ANLN: variants seen among roughly 807,000 people sequenced by gnomAD.
The protein encoded by ANLN is anillin.
A neutral mutation model predicts 135.1 loss-of-function variants in ANLN; 59 were observed. The ratio of observed to expected loss-of-function variants is 0.44; its 90% CI spans 0.35 to 0.54. The LOEUF is 0.54. ANLN is among the 20% of genes least tolerant of loss of function. The pLI is 0.00. For missense variants in ANLN, 1,182 were observed against 1,340.0 expected (o/e 0.88, Z 1.84); for synonymous variants, 406 against 456.4 (o/e 0.89, Z 1.41).
At chr7:36,403,335 A>G (rs1372517108) in intron 3 of ANLN, among the ~76,000 whole-genome samples, 3 of 152,148 alleles carry the variant, frequency 2.0e-5, no homozygotes, top group African/African-American at 7.2e-5. Flanking sequence ...TGTTCGGGGC[A>G]ATTTCAACTT....
intron 5 of ANLN, 112 bp from the exon 6 acceptor site, chr7:36,410,402 C>A (rs1787361638): frequency 1.1e-6 from 1 of 926,504 alleles, no homozygotes; most frequent in Admixed American, 3.3e-5. Context: ...ATGAATATTC[C>A]TGATAGAATC....
intron 3 of ANLN, chr7:36,403,480 T>C (rs1479197333): frequency 1.3e-5 from 2 of 152,120 alleles, no homozygotes; most frequent in Admixed American, 1.3e-4. Context: ...ATTTTAGAGA[T>C]GTCAAGAAAT....
intron 21 of ANLN, among the ~76,000 whole-genome samples, chr7:36,441,423 C>T (rs907929667): frequency 3.9e-5 from 6 of 152,138 alleles, no homozygotes; most frequent in African/African-American, 1.4e-4. Flanking sequence ...TGCCTCTACC[C>T]CCTATAAAAA....
chr7:36,425,867 G>T (rs1398542971), intron 18 of ANLN, 127 bp downstream of exon 18: 1 of 1,127,118 alleles, frequency 8.9e-7, no homozygotes, highest in Non-Finnish European at 1.3e-6. Flanking sequence ...CTAATGGGGG[G>T]ATATCCCTGT....
rs372403654 is a variant in ANLN, at chr7:36,408,940, G to A, written c.1096+984G>A. Among the ~76,000 whole-genome samples, 4 of 152,294 alleles carry A rather than the reference G, an allele frequency of 2.6e-5. No individual in the cohort carries two copies. The East Asian group carries it at 7.7e-4, about 29-fold the overall frequency. On this transcript the variant is annotated intron_variant, in intron 5 of 23. Coordinates refer to ENST00000265748, the MANE Select transcript of ANLN (RefSeq NM_018685.5). The stretch of plus-strand genomic sequence containing the variant: ...GAACTGTATTCATTTTCATTGGAAA[G>A]ACTTTTAATTCTAAGGTTTAACTTT...
chr7:36,448,723 T>C (rs1789117816), intron 22 of ANLN, among the ~76,000 whole-genome samples: 1 of 152,186 alleles, frequency 6.6e-6, no homozygotes, highest in Non-Finnish European at 1.5e-5. Flanking sequence ...AATACCATGA[T>C]TTATTTAAAT....
At position 36,417,079 on chromosome 7, in the gene ANLN, G is replaced by A. The variant is rs780924212; in HGVS notation, c.1523-1G>A. 6.5e-7 allele frequency: 1 copy of A among 1,549,874 alleles called. No homozygotes were observed. The highest frequency in any genetic ancestry group is 8.8e-7 in the Non-Finnish European group (1 of 1,133,634). On this transcript the variant is annotated splice_acceptor_variant, in intron 8 of 23. Transcript: ENST00000265748. LOFTEE classifies it high-confidence loss of function. ...ATATGGTCTTTCTTAAACATTTTTA[G>A]GTTTCACTGAATGCGAAATGACGAA... is the stretch of plus-strand genomic sequence containing the variant.
intron 22 of ANLN, among the ~76,000 whole-genome samples, chr7:36,446,306 G>A (rs1788996523): frequency 6.6e-6 from 1 of 151,900 alleles, no homozygotes; most frequent in African/African-American, 2.4e-5. Flanking sequence ...CCCTAGAATT[G>A]ATTTTTTTTT....
intron 1 of ANLN, 56 bp downstream of exon 1, chr7:36,390,100 A>G (rs768105150): frequency 1.9e-6 from 3 of 1,611,196 alleles, no homozygotes; most frequent in Non-Finnish European, 2.5e-6. Flanking sequence ...GCCCCCACCC[A>G]CCTTCCTCTG....
At position 36,389,894 on chromosome 7, in the gene ANLN, A is replaced by T. The variant is rs867841016; in HGVS notation, c.-133A>T. The T allele has an allele frequency of 6.6e-7, 1 of 1,524,460 alleles. No individual in the cohort carries two copies. Among genetic ancestry groups the T allele is most frequent in the Middle Eastern group, 1.8e-4 (1 of 5,496 alleles). 94.4% of individuals were successfully genotyped at this position (1,524,460 alleles called of 1,614,324 possible). ...TCACTGGAAGCCGAGAGGAGAGGAC[A>T]GCTGGTTGTGGGAGAGTTCCCCCGC... On this transcript the variant is annotated 5_prime_UTR_variant, in exon 1 of 24. Coordinates refer to ENST00000265748, the MANE Select transcript of ANLN (RefSeq NM_018685.5).
At chr7:36,394,739 A>T (rs1786628341) in intron 1 of ANLN, among the ~76,000 whole-genome samples, 1 of 152,240 alleles carries the variant, frequency 6.6e-6, no homozygotes, top group Admixed American at 6.5e-5. Context: ...AAAAAGAGTC[A>T]AATGGAATTT....
chr7:36,423,072 T>C (rs1162623134), intron 14 of ANLN, among the ~76,000 whole-genome samples: 2 of 152,240 alleles, frequency 1.3e-5, no homozygotes, highest in Non-Finnish European at 2.9e-5. Context: ...TTAAAGTTCC[T>C]TTTAAAATTT....
At chr7:36,447,751 T>G (rs766890947) in intron 22 of ANLN, among the ~76,000 whole-genome samples, 12 of 152,156 alleles carry the variant, frequency 7.9e-5, no homozygotes, top group Non-Finnish European at 1.5e-4. Context: ...ACATGCCAGG[T>G]GCGATGGCAG....
chr7:36,418,137 A>G (rs911592411), intron 9 of ANLN, among the ~76,000 whole-genome samples: 1 of 152,132 alleles, frequency 6.6e-6, no homozygotes, highest in African/African-American at 2.4e-5. Context: ...TGGAGCTTCC[A>G]TTGCCTTCCC....
chr7:36,401,448 C>A (rs987703281), intron 3 of ANLN, among the ~76,000 whole-genome samples: 1 of 152,236 alleles, frequency 6.6e-6, no homozygotes, highest in Non-Finnish European at 1.5e-5. Context: ...AAGCAGTTCT[C>A]CTGCCTCAGC....
At chr7:36,436,777 C>G (rs1181037232) in intron 20 of ANLN, among the ~76,000 whole-genome samples, 1 of 152,174 alleles carries the variant, frequency 6.6e-6, no homozygotes, top group Non-Finnish European at 1.5e-5. Context: ...GAAGAAATGT[C>G]TATTCAAGTC....
intron 22 of ANLN, among the ~76,000 whole-genome samples, chr7:36,446,862 T>C (rs955596832): frequency 2.6e-5 from 4 of 152,178 alleles, no homozygotes; most frequent in African/African-American, 7.2e-5. Context: ...CACGGTTCTG[T>C]TTCCTTTGGT....
intron 21 of ANLN, among the ~76,000 whole-genome samples, chr7:36,441,376 A>G (rs1403132593): frequency 6.6e-6 from 1 of 152,264 alleles, no homozygotes; most frequent in Non-Finnish European, 1.5e-5. Context: ...ATTCCCCGAC[A>G]TAACTTCTGT....
chr7:36,411,500 T>C (rs1182670254), intron 7 of ANLN, among the ~76,000 whole-genome samples: 3 of 152,228 alleles, frequency 2.0e-5, no homozygotes, highest in Non-Finnish European at 4.4e-5. Flanking sequence ...TTCTCAATGA[T>C]GACTGTATAC....
Sources: allele counts gnomAD v4.1 joint callset (sites outside exome capture counted in the v4.1 genomes callset), GRCh38; gene constraint gnomAD v4.1.1; transcripts MANE v1.5; gene names NCBI Gene and HGNC (gene_info 2026-07-23, HGNC 2026-07-21).